The following FSD1L variants were observed in gnomAD, a reference collection of about 807,000 sequenced individuals.
The protein encoded by FSD1L is FSD1-like protein.
A neutral mutation model predicts 71.6 loss-of-function variants in FSD1L; 45 were observed. The observed-to-expected ratio is 0.63, with a 90% CI of 0.49 to 0.81. FSD1L has a LOEUF of 0.81. Ranked by LOEUF, FSD1L falls within the 30% of genes least tolerant of loss-of-function variation. FSD1L has a pLI of 0.00. For missense variants in FSD1L, 561 were observed against 618.1 expected (o/e 0.91, Z 0.98); for synonymous variants, 197 against 207.2 (o/e 0.95, Z 0.42).
chr9:105,456,933 T>C (rs1015106283), intron 1 of FSD1L, among the ~76,000 whole-genome samples: 54 of 152,230 alleles, frequency 3.5e-4, no homozygotes, highest in African/African-American at 1.2e-3. Context: ...GTTTATCTAT[T>C]TATCCATCAG....
intron 13 of FSD1L, among the ~76,000 whole-genome samples, chr9:105,540,080 G>C (rs1407230487): frequency 6.6e-6 from 1 of 151,970 alleles, no homozygotes; most frequent in African/African-American, 2.4e-5. Context: ...GAAATGGTTG[G>C]TTATGCTAAT....
chr9:105,485,648 CT>C (rs774719538), intron 7 of FSD1L, among the ~76,000 whole-genome samples: 345 of 127,056 alleles, frequency 2.7e-3, no homozygotes, highest in East Asian at 0.011. Flanking sequence ...CTTACAAGTA[CT>C]TTTTTTTTTT....
intron 10 of FSD1L, among the ~76,000 whole-genome samples, chr9:105,529,790 A>G (rs1835778045): frequency 6.6e-6 from 1 of 152,090 alleles, no homozygotes; most frequent in Non-Finnish European, 1.5e-5. Flanking sequence ...AAAAAGAGAA[A>G]AAAAATCACA....
At chr9:105,493,799 T>C (rs1833137019) in intron 7 of FSD1L, among the ~76,000 whole-genome samples, 1 of 152,156 alleles carries the variant, frequency 6.6e-6, no homozygotes, top group Admixed American at 6.5e-5. Context: ...GGTTGAAAAT[T>C]CTTTTCTTTA....
intron 7 of FSD1L, among the ~76,000 whole-genome samples, chr9:105,492,477 G>GT (rs1408054859): frequency 2.0e-5 from 3 of 151,892 alleles, no homozygotes; most frequent in South Asian, 2.1e-4. Flanking sequence ...TTTTTGAAGG[G>GT]TTTTTTTGTG....
chr9:105,484,134 A>G (rs1229042821), intron 6 of FSD1L, among the ~76,000 whole-genome samples: 1 of 152,142 alleles, frequency 6.6e-6, no homozygotes, highest in Non-Finnish European at 1.5e-5. Context: ...ATATATATGC[A>G]ATTTAATAAA....
At chr9:105,535,361 C>T in intron 12 of FSD1L, 43 bp downstream of exon 12, 1 of 1,540,428 alleles carries the variant, frequency 6.5e-7, no homozygotes, top group Admixed American at 2.0e-5. Context: ...TAGTTGCTTG[C>T]ATTTCAGTAC....
intron 4 of FSD1L, among the ~76,000 whole-genome samples, chr9:105,470,698 C>T (rs1335193940): frequency 3.3e-5 from 5 of 152,084 alleles, no homozygotes; most frequent in Non-Finnish European, 7.4e-5. Flanking sequence ...GGATCAGATA[C>T]TGTATCTTCG....
At chr9:105,457,637 C>T (rs1830436494) in intron 1 of FSD1L, among the ~76,000 whole-genome samples, 1 of 152,274 alleles carries the variant, frequency 6.6e-6, no homozygotes. Flanking sequence ...CTGGCAGTGT[C>T]TCTCCTTGAG....
intron 3 of FSD1L, among the ~76,000 whole-genome samples, chr9:105,465,229 T>C (rs752959653): frequency 2.6e-5 from 4 of 152,154 alleles, no homozygotes; most frequent in Non-Finnish European, 5.9e-5. Flanking sequence ...AAAATCTGAA[T>C]AGGTCAATAA....
intron 7 of FSD1L, among the ~76,000 whole-genome samples, chr9:105,500,395 A>T (rs1833691457): frequency 6.6e-6 from 1 of 151,822 alleles, no homozygotes; most frequent in African/African-American, 2.4e-5. Context: ...TTATTCCTGG[A>T]TTTTTCGGTG....
chr9:105,464,268 A>G lies in FSD1L; in HGVS notation c.144A>G (p.Ala48=), dbSNP rs748573579. Residue 48 remains alanine (A), a synonymous_variant, in exon 3 of 14, where the codon GCA becomes GCG. Coordinates refer to ENST00000481272, the MANE Select transcript of FSD1L (RefSeq NM_001145313.3). ...EALQRIISTL[A]NKNDEIQNFI... ...TACAGAGGATCATTTCAACTCTGGCAAATAAAAATGATGAAATTCAGAACT... is the reference window on the plus strand; with the variant it reads ...TACAGAGGATCATTTCAACTCTGGCGAATAAAAATGATGAAATTCAGAACT... 32 of 1,526,402 alleles carry G rather than the reference A, an allele frequency of 2.1e-5. No homozygotes were observed. In the Admixed American group the frequency reaches 3.8e-4, roughly 18 times the overall value. The allele number at this position is 1,526,402 out of a possible 1,614,324, so 94.6% of individuals were successfully genotyped here.
intron 7 of FSD1L, among the ~76,000 whole-genome samples, chr9:105,490,132 G>A (rs1273015416): frequency 6.6e-6 from 1 of 152,300 alleles, no homozygotes; most frequent in African/African-American, 2.4e-5. Context: ...CAGTGTAAAA[G>A]CGTTCCTATT....
intron 4 of FSD1L, 108 bp downstream of exon 4, chr9:105,468,432 G>A (rs1309819105): frequency 5.2e-6 from 4 of 768,254 alleles, no homozygotes; most frequent in Non-Finnish European, 7.7e-6. Flanking sequence ...CCCTTACCTC[G>A]TAGAAGAATG....
At chr9:105,521,731 T>C (rs1389108978) in intron 10 of FSD1L, 1 of 1,613,180 alleles carries the variant, frequency 6.2e-7, no homozygotes, top group Non-Finnish European at 8.5e-7. Flanking sequence ...GCTGATCATG[T>C]TCGAAATTCC....
At chr9:105,511,787 A>G (rs1234769987) in intron 9 of FSD1L, among the ~76,000 whole-genome samples, 1 of 152,156 alleles carries the variant, frequency 6.6e-6, no homozygotes, top group African/African-American at 2.4e-5. Context: ...GTTATGTATC[A>G]TCAAACAAAA....
intron 13 of FSD1L, among the ~76,000 whole-genome samples, chr9:105,540,162 A>C (rs1242264078): frequency 1.3e-5 from 2 of 152,076 alleles, no homozygotes; most frequent in South Asian, 2.1e-4. Context: ...TCTTTTAAAA[A>C]ATTTTTTGTC....
rs1453335004 is a variant in FSD1L, at chr9:105,479,338, C to G, written c.442-16C>G. 1 of 1,550,232 alleles carries G rather than the reference C, an allele frequency of 6.5e-7. No individual in the cohort carries two copies. The highest frequency in any genetic ancestry group is 8.7e-7 in the Non-Finnish European group (1 of 1,146,170). On this transcript the variant is annotated splice_polypyrimidine_tract_variant and intron_variant, in intron 5 of 13. Coordinates refer to ENST00000481272, the MANE Select transcript of FSD1L (RefSeq NM_001145313.3). ...ACTAACTTGCCTTCTTTCTCTTCTC[C>G]CTGATTGGCTCCAAGGCTGCCAGAC...
rs1330491194 is a variant in FSD1L at position 105,494,399 on chromosome 9, C to T, written c.586+9897C>T. The stretch of plus-strand genomic sequence containing the variant: ...GTATTGGTTATTCTAGTTATACATT[C>T]GTCTAAATTTTTTTCAAAGTTTTCA... On this transcript the variant is annotated intron_variant, in intron 7 of 13. Coordinates refer to ENST00000481272, the MANE Select transcript of FSD1L (RefSeq NM_001145313.3). Among the ~76,000 whole-genome samples, 7 of 152,078 alleles carry T rather than the reference C, an allele frequency of 4.6e-5. No individual in the cohort carries two copies. The South Asian group carries it at 6.2e-4, about 14-fold the overall frequency.
Sources: gnomAD v4.1 joint callset for allele counts (sites outside exome capture counted in the v4.1 genomes callset) on GRCh38, gnomAD v4.1.1 for gene constraint, MANE v1.5 for transcripts, NCBI Gene and HGNC (gene_info 2026-07-23, HGNC 2026-07-21) for gene names.